Variants in FSAF1 observed in about 807,000 individuals in gnomAD.
The protein encoded by FSAF1 is 40S small subunit processome assembly factor 1, also known as uncharacterized protein C1orf131.
chr1:231,239,814 T>C, the FSAF1 span, among the ~76,000 whole-genome samples: 2 of 152,248 alleles, frequency 1.3e-5, no homozygotes, highest in Admixed American at 1.3e-4. Flanking sequence ...TAATCTTTTA[T>C]ACAATAAACA....
At chr1:231,232,612 C>A in the FSAF1 span, among the ~76,000 whole-genome samples, 2 of 152,142 alleles carry the variant, frequency 1.3e-5, no homozygotes, top group African/African-American at 2.4e-5. Flanking sequence ...CACAGCCTAA[C>A]CTATCGCAAC....
the FSAF1 span, chr1:231,239,281 G>T: frequency 1.9e-6 from 2 of 1,064,374 alleles, no homozygotes; most frequent in South Asian, 2.0e-5. Flanking sequence ...CATATTCCAG[G>T]GCTATATGCA....
the FSAF1 span, chr1:231,224,329 G>C: frequency 1.9e-6 from 3 of 1,613,932 alleles, no homozygotes; most frequent in Non-Finnish European, 2.5e-6. Context: ...ACTGGGCTCA[G>C]AATCAGTGTT....
the FSAF1 span, chr1:231,226,562 G>A: frequency 6.2e-6 from 4 of 640,132 alleles, no homozygotes; most frequent in Admixed American, 5.7e-5. Flanking sequence ...ATGTAAGTAC[G>A]CCAGATTACT....
chr1:231,239,132 T>C, the FSAF1 span: 5 of 1,604,568 alleles, frequency 3.1e-6, no homozygotes, highest in Admixed American at 8.7e-5. Context: ...ACATCTCTCT[T>C]CTTGTTTTCC....
chr1:231,227,805 G>T, the FSAF1 span, among the ~76,000 whole-genome samples: 1 of 149,902 alleles, frequency 6.7e-6, no homozygotes, highest in Non-Finnish European at 1.5e-5. Context: ...TAGCCAGGAT[G>T]GTCTCAATCT....
chr1:231,233,671 G>C, the FSAF1 span, among the ~76,000 whole-genome samples: 4 of 152,076 alleles, frequency 2.6e-5, no homozygotes, highest in African/African-American at 7.2e-5. Flanking sequence ...TCCTGCCTCA[G>C]CCTCCTGAGT....
chr1:231,240,094 G>A, the FSAF1 span, among the ~76,000 whole-genome samples: 9 of 152,156 alleles, frequency 5.9e-5, no homozygotes, highest in African/African-American at 2.2e-4. This position sits in a 1 kb window ranked among gnomAD's most constrained non-coding sequence, Gnocchi z 4.1. Flanking sequence ...AAAATTACCA[G>A]TCAGACAACC....
At chr1:231,229,057 AACTTAT>A in the FSAF1 span, 1 of 770,506 alleles carries the variant, frequency 1.3e-6, no homozygotes, top group Non-Finnish European at 2.0e-6. Context: ...TTATGTTATA[AACTTAT>A]AATAAATTTA....
the FSAF1 span, chr1:231,225,143 G>A: frequency 2.9e-6 from 1 of 349,802 alleles, no homozygotes; most frequent in Non-Finnish European, 5.2e-6. Context: ...TACGTGGTAT[G>A]TCAAAGAGCA....
chr1:231,226,660 C>T, the FSAF1 span: 13 of 1,298,908 alleles, frequency 1.0e-5, no homozygotes, highest in Admixed American at 1.9e-4. Flanking sequence ...CTCCAAGCAG[C>T]GGCTTCCGGC....
the FSAF1 span, chr1:231,237,040 G>A: frequency 6.8e-6 from 1 of 148,118 alleles, no homozygotes. Context: ...TGTCACCCCC[G>A]CTGGAGTGCA....
chr1:231,230,651 C>T, the FSAF1 span, among the ~76,000 whole-genome samples: 1 of 152,198 alleles, frequency 6.6e-6, no homozygotes, highest in Non-Finnish European at 1.5e-5. Context: ...CAAACGGGAG[C>T]TGTGCTTCTG....
At chr1:231,229,332 C>T in the FSAF1 span, 1 of 551,858 alleles carries the variant, frequency 1.8e-6, no homozygotes. Flanking sequence ...AGACTGGCTA[C>T]TGTCCAAAAA....
the FSAF1 span, chr1:231,240,904 G>C: frequency 8.2e-6 from 7 of 858,738 alleles, no homozygotes; most frequent in Non-Finnish European, 1.3e-5. This position sits in a 1 kb window ranked among gnomAD's most constrained non-coding sequence, Gnocchi z 4.1. Context: ...TGGGACGAAG[G>C]GTGCTTGACA....
the FSAF1 span, chr1:231,226,425 AT>A: frequency 2.5e-6 from 1 of 406,130 alleles, no homozygotes; most frequent in South Asian, 2.8e-5. Context: ...TATGCTTTCC[AT>A]GCAGTCTGCA....
the FSAF1 span, chr1:231,224,365 C>A: frequency 6.2e-7 from 1 of 1,612,882 alleles, no homozygotes. Flanking sequence ...CCAACCTGTC[C>A]AATCCGTCCA....
the FSAF1 span, among the ~76,000 whole-genome samples, chr1:231,230,931 C>T: frequency 6.6e-6 from 1 of 152,298 alleles, no homozygotes; most frequent in African/African-American, 2.4e-5. Context: ...CTGACCATAC[C>T]ATCAGCAGCA....
the FSAF1 span, chr1:231,224,471 A>C: frequency 6.5e-7 from 1 of 1,529,544 alleles, no homozygotes; most frequent in African/African-American, 1.4e-5. Context: ...AACAAGCATC[A>C]CAGTACCACC....
Sources: allele counts gnomAD v4.1 joint callset (sites outside exome capture counted in the v4.1 genomes callset), GRCh38; gene constraint gnomAD v4.1.1; non-coding constraint Gnocchi (gnomAD v3.1); transcripts MANE v1.5; gene names NCBI Gene and HGNC (gene_info 2026-07-23, HGNC 2026-07-21).